Variants in STX8 observed in about 807,000 individuals in gnomAD.
STX8 encodes the protein syntaxin-8.
Under a neutral mutation model 37.5 loss-of-function variants are expected in STX8, and 23 were observed. The observed-to-expected ratio is 0.61, with a 90% confidence interval of 0.44 to 0.87. The LOEUF (loss-of-function observed/expected upper bound fraction) is 0.87, where lower values mean the gene tolerates loss of function less well. Among genes scored for constraint, STX8 ranks in the 40% least tolerant of loss-of-function variants. The pLI is 0.00. For synonymous variants in STX8, 115 were observed against 99.1 expected (o/e 1.16, Z -0.95); for missense variants, 313 against 284.7 (o/e 1.10, Z -0.71).
At chr17:9,470,325 C>G (rs541117958) in intron 6 of STX8, among the ~76,000 whole-genome samples, 2 of 152,318 alleles carry the variant, frequency 1.3e-5, no homozygotes, top group South Asian at 4.1e-4. Flanking sequence ...CTCTTTCTTA[C>G]GCTGTCTTTC....
chr17:9,354,468 C>T (rs1036362464), intron 7 of STX8, among the ~76,000 whole-genome samples: 3 of 151,686 alleles, frequency 2.0e-5, no homozygotes, highest in Admixed American at 1.3e-4. Context: ...ATTACAGGCC[C>T]GTGCCAACAT....
At chr17:9,364,447 G>C (rs941307336) in intron 7 of STX8, among the ~76,000 whole-genome samples, 58 of 152,142 alleles carry the variant, frequency 3.8e-4, no homozygotes, top group African/African-American at 1.3e-3. Flanking sequence ...ATAATAATAA[G>C]AACAACTTAA....
At chr17:9,406,749 C>T (rs1299377938) in intron 6 of STX8, among the ~76,000 whole-genome samples, 2 of 152,128 alleles carry the variant, frequency 1.3e-5, no homozygotes, top group African/African-American at 4.8e-5. Context: ...CTAGACTATA[C>T]AATTCATCTG....
chr17:9,359,768 G>A lies in STX8; in HGVS notation c.643+18784C>T, dbSNP rs12450824. Among the ~76,000 whole-genome samples the A allele has an allele frequency of 7.3e-3, 1,117 of 151,988 alleles. 14 individuals are homozygous for A. The highest frequency in any genetic ancestry group is 0.029 in the Admixed American group (448 of 15,258). ...CGTGATCCGCCCGCCTTGGCCTCCC[G>A]AAGTGCTGGGATTACAGGTGTGAGC... On this transcript the variant is annotated intron_variant, in intron 7 of 7. Transcript: ENST00000306357.
chr17:9,365,567 G>C (rs1911203976), intron 7 of STX8, among the ~76,000 whole-genome samples: 1 of 152,252 alleles, frequency 6.6e-6, no homozygotes, highest in South Asian at 2.1e-4. Flanking sequence ...TTGGGTCTGA[G>C]ATGTGGAACT....
chr17:9,498,562 A>T (rs188673812), intron 5 of STX8, among the ~76,000 whole-genome samples: 164 of 152,324 alleles, frequency 1.1e-3, no homozygotes, highest in Non-Finnish European at 1.9e-3. Flanking sequence ...GTATCTTCAA[A>T]GAAAGTTTTC....
intron 7 of STX8, among the ~76,000 whole-genome samples, chr17:9,280,329 G>A (rs1159072264): frequency 6.6e-6 from 1 of 152,222 alleles, no homozygotes; most frequent in Non-Finnish European, 1.5e-5. Context: ...GGAGACCAAG[G>A]CGGGTGGATC....
At chr17:9,341,003 TATATATAA>T (rs1036124008) in intron 7 of STX8, among the ~76,000 whole-genome samples, 3 of 144,428 alleles carry the variant, frequency 2.1e-5, no homozygotes, top group Non-Finnish European at 4.6e-5. Context: ...TTATAAATTA[TATATATAA>T]ATATATATTA....
chr17:9,493,090 T>G (rs559962416), intron 5 of STX8, among the ~76,000 whole-genome samples: 1 of 137,762 alleles, frequency 7.3e-6, no homozygotes, highest in Admixed American at 7.3e-5. Flanking sequence ...AGAGTGAGAC[T>G]CCGTCTCAAA....
At chr17:9,266,480 G>C (rs562304981) in intron 7 of STX8, among the ~76,000 whole-genome samples, 1 of 152,310 alleles carries the variant, frequency 6.6e-6, no homozygotes, top group South Asian at 2.1e-4. Flanking sequence ...CGTGCTGGCT[G>C]AGAGCTGCAA....
intron 6 of STX8, among the ~76,000 whole-genome samples, chr17:9,395,383 A>C (rs8074630): frequency 0.31 from 46,564 of 151,924 alleles, 8,433 homozygotes; most frequent in African/African-American, 0.51. Context: ...GGGCACATCA[A>C]TCACTTGAGG....
In STX8 at chr17:9,317,449, A is replaced by C. The variant is rs1464957055; in HGVS notation, c.643+61103T>G. Reference sequence around the variant, plus strand: ...AGTGATAAAACCGCGCCAGGCAAATAAGTGTCTTATCTATCCACAAAAAGC... The same window carrying C: ...AGTGATAAAACCGCGCCAGGCAAATCAGTGTCTTATCTATCCACAAAAAGC... On this transcript the variant is annotated intron_variant, in intron 7 of 7. Transcript: ENST00000306357. Among the ~76,000 whole-genome samples, 3 of 152,270 alleles carry C rather than the reference A, an allele frequency of 2.0e-5. No homozygotes were observed. In the East Asian group the frequency reaches 5.8e-4, roughly 29 times the overall value.
intron 7 of STX8, among the ~76,000 whole-genome samples, chr17:9,270,354 TCTC>T (rs1246061603): frequency 2.0e-5 from 3 of 151,940 alleles, no homozygotes; most frequent in African/African-American, 7.3e-5. Context: ...TTCACGCCAT[TCTC>T]CTCCCTCAGC....
intron 6 of STX8, among the ~76,000 whole-genome samples, chr17:9,403,239 G>A (rs1244883955): frequency 2.0e-5 from 3 of 152,180 alleles, no homozygotes; most frequent in Non-Finnish European, 4.4e-5. Flanking sequence ...TCTATCACAG[G>A]TATGGGGGAC....
chr17:9,386,163 C>T (rs941346460), intron 6 of STX8, among the ~76,000 whole-genome samples: 15 of 149,610 alleles, frequency 1.0e-4, no homozygotes, highest in African/African-American at 3.7e-4. Context: ...TTCATGAGGG[C>T]CCCAAACTAG....
At chr17:9,501,010 A>G (rs77581752) in intron 5 of STX8, among the ~76,000 whole-genome samples, 3,977 of 152,208 alleles carry the variant, frequency 0.026, 79 homozygotes, top group Non-Finnish European at 0.038. Flanking sequence ...CTCAAAAAAT[A>G]AAATAAAATA....
chr17:9,372,819 G>C (rs1325352828), intron 7 of STX8, among the ~76,000 whole-genome samples: 2 of 143,114 alleles, frequency 1.4e-5, no homozygotes, highest in Non-Finnish European at 3.0e-5. Flanking sequence ...ATACTGAAAA[G>C]TGGGCCAGGC....
At chr17:9,343,624 G>A (rs1375358313) in intron 7 of STX8, among the ~76,000 whole-genome samples, 1 of 152,166 alleles carries the variant, frequency 6.6e-6, no homozygotes, top group Non-Finnish European at 1.5e-5. Context: ...CAGGGAGGCA[G>A]GCATGGTGGT....
intron 6 of STX8, among the ~76,000 whole-genome samples, chr17:9,475,079 A>T (rs1906044079): frequency 6.6e-6 from 1 of 152,226 alleles, no homozygotes; most frequent in African/African-American, 2.4e-5. Context: ...AAAAAATGCA[A>T]AAGAGAGAGA....
Sources: gnomAD v4.1 joint callset for allele counts (sites outside exome capture counted in the v4.1 genomes callset) on GRCh38, gnomAD v4.1.1 for gene constraint, MANE v1.5 for transcripts, NCBI Gene and HGNC (gene_info 2026-07-23, HGNC 2026-07-21) for gene names.